Variants in LUZP2 observed in about 807,000 individuals in gnomAD.
LUZP2 encodes the protein leucine zipper protein 2.
In LUZP2, 52 loss-of-function variants were observed where a neutral mutation model predicts 51.6. That is an observed-to-expected ratio of 1.01 (90% CI 0.81 to 1.27). The LOEUF (loss-of-function observed/expected upper bound fraction) is 1.27, where lower values mean the gene tolerates loss of function less well. LUZP2 is among the 50% of genes most tolerant of loss of function. The pLI is 0.00. For missense variants in LUZP2, 436 were observed against 395.4 expected (o/e 1.10, Z -0.87); for synonymous variants, 154 against 137.3 (o/e 1.12, Z -0.85).
At chr11:25,006,225 G>A (rs1321618683) in intron 9 of LUZP2, among the ~76,000 whole-genome samples, 5 of 152,164 alleles carry the variant, frequency 3.3e-5, no homozygotes, top group Non-Finnish European at 7.3e-5. Context: ...AAGCCCCAGA[G>A]AGTGGTTTTT....
intron 1 of LUZP2, among the ~76,000 whole-genome samples, chr11:24,534,674 T>C (rs1348101233): frequency 6.6e-6 from 1 of 151,468 alleles, no homozygotes; most frequent in Non-Finnish European, 1.5e-5. Context: ...ATTCCACCTA[T>C]AAATTCCTTA....
At chr11:24,971,572 C>A (rs1855736071) in intron 7 of LUZP2, among the ~76,000 whole-genome samples, 1 of 152,048 alleles carries the variant, frequency 6.6e-6, no homozygotes, top group Non-Finnish European at 1.5e-5. Flanking sequence ...TATTGCAAAC[C>A]TCAGCATCAT....
At chr11:24,758,324 CGTGTGTGT>C (rs34105960) in intron 4 of LUZP2, among the ~76,000 whole-genome samples, 2 of 148,122 alleles carry the variant, frequency 1.4e-5, no homozygotes, top group Admixed American at 1.4e-4. Context: ...GAATGACTTG[CGTGTGTGT>C]GTGTGTGTGT....
At chr11:24,909,508 A>C (rs1384833959) in intron 6 of LUZP2, among the ~76,000 whole-genome samples, 2 of 151,914 alleles carry the variant, frequency 1.3e-5, no homozygotes, top group Non-Finnish European at 1.5e-5. Context: ...GGGAAAAAAA[A>C]AAAACAAAAG....
At chr11:24,652,039 G>T (rs1352732454) in intron 1 of LUZP2, among the ~76,000 whole-genome samples, 1 of 145,882 alleles carries the variant, frequency 6.9e-6, no homozygotes, top group East Asian at 2.0e-4. Context: ...ATATATGTGT[G>T]TACACATGTT....
At chr11:24,866,336 T>C (rs1045492867) in intron 5 of LUZP2, among the ~76,000 whole-genome samples, 1 of 152,096 alleles carries the variant, frequency 6.6e-6, no homozygotes, top group African/African-American at 2.4e-5. Flanking sequence ...ATTTTCTGTA[T>C]AACTATCCCA....
At chr11:24,699,452 G>A (rs1286523270) in intron 1 of LUZP2, among the ~76,000 whole-genome samples, 1 of 152,000 alleles carries the variant, frequency 6.6e-6, no homozygotes, top group Admixed American at 6.6e-5. Context: ...AGACATTACA[G>A]ATGCATTGAA....
intron 5 of LUZP2, among the ~76,000 whole-genome samples, chr11:24,782,322 T>C (rs185288370): frequency 4.1e-4 from 62 of 152,150 alleles, no homozygotes; most frequent in African/African-American, 1.4e-3. Flanking sequence ...TTGGGCCTCA[T>C]GCACATTTAT....
intron 5 of LUZP2, among the ~76,000 whole-genome samples, chr11:24,822,067 C>T (rs1850378467): frequency 6.7e-6 from 1 of 149,422 alleles, no homozygotes; most frequent in South Asian, 2.1e-4. Context: ...AGGATATGTT[C>T]TTTGTGAAAT....
At position 24,732,083 on chromosome 11, in the gene LUZP2, T is replaced by C. The variant is rs12286199; in HGVS notation, c.181-35T>C. 37,512 of 1,538,148 alleles carry C rather than the reference T, an allele frequency of 0.024. 4,257 individuals are homozygous for C. The African/African-American group carries it at 0.33, about 14-fold the overall frequency. On this transcript the variant is annotated intron_variant, in intron 2 of 11. Coordinates refer to ENST00000336930, the MANE Select transcript of LUZP2 (RefSeq NM_001009909.4). ...TTAAAGTGAGTCTCAATTTCTCACC[T>C]GAATAAAACTTCATTTTTCCACTTT...
At chr11:24,942,420 C>A (rs1001424067) in intron 7 of LUZP2, among the ~76,000 whole-genome samples, 1 of 152,072 alleles carries the variant, frequency 6.6e-6, no homozygotes, top group South Asian at 2.1e-4. Flanking sequence ...TAGTGACGAG[C>A]GTATGGTTAT....
intron 9 of LUZP2, among the ~76,000 whole-genome samples, chr11:24,995,897 T>A (rs2133933367): frequency 6.6e-6 from 1 of 152,040 alleles, no homozygotes; most frequent in East Asian, 1.9e-4. Flanking sequence ...CATTCTAAAT[T>A]CAGTGTTAGT....
At position 24,991,338 on chromosome 11, in the gene LUZP2, A is replaced by G. The variant is rs866005223; in HGVS notation, c.765+8045A>G. Among the ~76,000 whole-genome samples the G allele has an allele frequency of 4.1e-5, 5 of 123,336 alleles. No individual in the cohort carries two copies. In the South Asian group the frequency reaches 8.2e-4, roughly 20 times the overall value. The allele number at this position is 123,336 out of a possible 152,430, so 80.9% of individuals were successfully genotyped here. On this transcript the variant is annotated intron_variant, in intron 9 of 11. Coordinates refer to ENST00000336930, the MANE Select transcript of LUZP2 (RefSeq NM_001009909.4). ...GGCTGAGTAGTATTCCATCATATAT[A>G]TGTGTGTGTGTGTATATATATATGT...
At chr11:25,060,763 G>A (rs949187264) in intron 10 of LUZP2, among the ~76,000 whole-genome samples, 4 of 151,982 alleles carry the variant, frequency 2.6e-5, no homozygotes, top group African/African-American at 9.7e-5. Flanking sequence ...ACATATTAGT[G>A]GATTTTCCAT....
At chr11:25,064,110 C>T (rs928480392) in intron 10 of LUZP2, among the ~76,000 whole-genome samples, 21 of 146,614 alleles carry the variant, frequency 1.4e-4, no homozygotes, top group African/African-American at 5.1e-4. Context: ...AGCACATATT[C>T]TTTCCACTAG....
intron 1 of LUZP2, among the ~76,000 whole-genome samples, chr11:24,728,936 G>A (rs1038696156): frequency 2.1e-4 from 32 of 151,986 alleles, no homozygotes; most frequent in African/African-American, 6.5e-4. Context: ...AGATGTCTAT[G>A]TCTATGTCAT....
At chr11:25,019,673 AG>A (rs573135296) in intron 9 of LUZP2, among the ~76,000 whole-genome samples, 2 of 152,118 alleles carry the variant, frequency 1.3e-5, no homozygotes, top group South Asian at 4.1e-4. Context: ...TTTTACTAGC[AG>A]AATAGATGAT....
At chr11:24,909,217 G>T (rs2133793119) in intron 6 of LUZP2, among the ~76,000 whole-genome samples, 1 of 151,810 alleles carries the variant, frequency 6.6e-6, no homozygotes, top group Non-Finnish European at 1.5e-5. Flanking sequence ...AATGCAGAAG[G>T]TTTTATTGTA....
At chr11:24,538,392 G>T (rs1218409776) in intron 1 of LUZP2, among the ~76,000 whole-genome samples, 3 of 151,628 alleles carry the variant, frequency 2.0e-5, no homozygotes, top group Admixed American at 1.3e-4. Context: ...TCATGACCTT[G>T]GATTAGGTAC....
Sources: allele counts gnomAD v4.1 joint callset (sites outside exome capture counted in the v4.1 genomes callset), GRCh38; gene constraint gnomAD v4.1.1; transcripts MANE v1.5; gene names NCBI Gene and HGNC (gene_info 2026-07-23, HGNC 2026-07-21).